The following ADAM12 variants were observed in gnomAD, a reference collection of about 807,000 sequenced individuals.
ADAM12 encodes ADAM metallopeptidase domain 12.
Under a neutral mutation model 106.4 loss-of-function variants are expected in ADAM12, and 70 were observed. The ratio of observed to expected loss-of-function variants is 0.66; its 90% CI spans 0.54 to 0.80. The LOEUF (loss-of-function observed/expected upper bound fraction) is 0.80. Ranked by LOEUF, ADAM12 falls within the 30% of genes least tolerant of loss-of-function variation. ADAM12 has a pLI of 0.00. For synonymous variants in ADAM12, 420 were observed against 433.5 expected, an observed-to-expected ratio of 0.97 and a Z score of 0.39; for missense variants, 1,010 against 1,171.9, an observed-to-expected ratio of 0.86 and a Z score of 2.02.
intron 3 of ADAM12, among the ~76,000 whole-genome samples, chr10:126,206,237 C>T (rs1029015130): frequency 6.6e-5 from 10 of 152,186 alleles, no homozygotes; most frequent in African/African-American, 1.9e-4. Context: ...AGAACTACCA[C>T]ATGGACATGA....
chr10:126,232,798 T>C (rs2366480), intron 3 of ADAM12, among the ~76,000 whole-genome samples: 146,124 of 152,260 alleles, frequency 0.96, 70,389 homozygotes, highest in East Asian at 1. Flanking sequence ...GTGAAAATGA[T>C]GAGGGTTAGA....
At chr10:126,170,105 C>T (rs1224372432) in intron 3 of ADAM12, among the ~76,000 whole-genome samples, 2 of 152,156 alleles carry the variant, frequency 1.3e-5, no homozygotes, top group Non-Finnish European at 2.9e-5. Flanking sequence ...TTGGCCGTGG[C>T]GGAAGCCAGC....
chr10:126,240,751 T>C (rs1421542576), intron 3 of ADAM12, among the ~76,000 whole-genome samples: 1 of 152,212 alleles, frequency 6.6e-6, no homozygotes, highest in Non-Finnish European at 1.5e-5. Context: ...AAGAGTGATC[T>C]GACTGAGGTC....
At chr10:126,050,384 G>A (rs1173820031) in intron 14 of ADAM12, among the ~76,000 whole-genome samples, 3 of 152,202 alleles carry the variant, frequency 2.0e-5, no homozygotes, top group Non-Finnish European at 4.4e-5. Context: ...TGCAGCCAAA[G>A]TTCTGGAGGA....
intron 5 of ADAM12, among the ~76,000 whole-genome samples, chr10:126,121,183 C>CAT (rs1956097908): frequency 1.1e-5 from 1 of 91,634 alleles, no homozygotes; most frequent in South Asian, 3.0e-4. Flanking sequence ...ACTATATACA[C>CAT]TATATACTAT....
At chr10:126,368,851 T>C (rs1037727444) in intron 1 of ADAM12, among the ~76,000 whole-genome samples, 1 of 152,122 alleles carries the variant, frequency 6.6e-6, no homozygotes, top group African/African-American at 2.4e-5. Context: ...ATGCTAGCTA[T>C]AGAATATCCA....
chr10:126,207,671 C>T (rs1957821754), intron 3 of ADAM12, among the ~76,000 whole-genome samples: 1 of 152,172 alleles, frequency 6.6e-6, no homozygotes, highest in African/African-American at 2.4e-5. Context: ...TTGTGGCTAA[C>T]ATTTTTGTAA....
Position 126,043,168 on chromosome 10 carries a change from G to A in ADAM12, c.1996-20C>T. ...GCACACCTTTCAGGGCAGAGGGGAG[G>A]GACGTGGGGTTAGGGCATATGCTCT... is the stretch of plus-strand genomic sequence containing the variant. On this transcript the variant is annotated intron_variant, in intron 17 of 22. Coordinates refer to ENST00000448723, the MANE Select transcript of ADAM12 (RefSeq NM_001288973.2). This position sits in a 1 kb window ranked among gnomAD's most constrained non-coding sequence, Gnocchi z 4.1. 1 of 1,611,388 alleles carries A rather than the reference G, an allele frequency of 6.2e-7. No individual in the cohort carries two copies. Among genetic ancestry groups the A allele is most frequent in the Non-Finnish European group, 8.5e-7 (1 of 1,178,022 alleles).
At chr10:126,112,422 G>T (rs578136760) in intron 6 of ADAM12, among the ~76,000 whole-genome samples, 1 of 151,494 alleles carries the variant, frequency 6.6e-6, no homozygotes, top group East Asian at 1.9e-4. Flanking sequence ...TTTTCATTTT[G>T]GGGGGTTATG....
In ADAM12 at chr10:126,012,634, T is replaced by C. The variant is rs1282956457; in HGVS notation, c.*4645A>G. On this transcript the variant is annotated 3_prime_UTR_variant, in exon 23 of 23. Transcript: ENST00000448723. ...AATCTGTACTGTGCTAAACAGCCTA[T>C]AGCCAAGTTTTAAAGAGTTACAGGA... 6.6e-6 allele frequency: 1 copy of C among 152,200 alleles called. No homozygotes were observed. The highest frequency in any genetic ancestry group is 1.5e-5 in the Non-Finnish European group (1 of 68,030). The allele number at this position is 152,200 out of a possible 1,614,324, so 9.4% of individuals were successfully genotyped here. A position where few individuals can be genotyped will look rare whatever the true frequency, so the allele number is the denominator to read the frequency against.
intron 6 of ADAM12, among the ~76,000 whole-genome samples, chr10:126,111,417 T>C (rs139099508): frequency 2.2e-4 from 33 of 152,200 alleles, no homozygotes; most frequent in African/African-American, 7.5e-4. Flanking sequence ...TTTTTCCTCA[T>C]TGAGGCGTGA....
intron 14 of ADAM12, among the ~76,000 whole-genome samples, chr10:126,055,004 A>G (rs972790075): frequency 2.0e-5 from 3 of 152,178 alleles, no homozygotes; most frequent in Admixed American, 6.5e-5. Flanking sequence ...GGCCTTACAC[A>G]TTAAGGGCAA....
At chr10:126,230,892 TAG>T (rs1958296571) in intron 3 of ADAM12, among the ~76,000 whole-genome samples, 1 of 152,228 alleles carries the variant, frequency 6.6e-6, no homozygotes, top group Non-Finnish European at 1.5e-5. Flanking sequence ...TCTTATCCCT[TAG>T]AGTTTTTTCC....
intron 11 of ADAM12, among the ~76,000 whole-genome samples, chr10:126,092,122 G>C (rs955744887): frequency 6.6e-6 from 1 of 152,116 alleles, no homozygotes; most frequent in Non-Finnish European, 1.5e-5. Context: ...CTCTTCCATT[G>C]GTTTATCAAT....
intron 3 of ADAM12, among the ~76,000 whole-genome samples, chr10:126,184,174 C>A (rs185602207): frequency 6.6e-6 from 1 of 152,310 alleles, no homozygotes; most frequent in African/African-American, 2.4e-5. Context: ...TCCCCCAGTA[C>A]CTTGGGTCTT....
At chr10:126,270,274 C>G (rs937152133) in intron 3 of ADAM12, among the ~76,000 whole-genome samples, 1 of 152,142 alleles carries the variant, frequency 6.6e-6, no homozygotes, top group Non-Finnish European at 1.5e-5. Context: ...TTTTACACTG[C>G]AGGCATTAGG....
intron 3 of ADAM12, among the ~76,000 whole-genome samples, chr10:126,252,041 T>TTGGA (rs1392909712): frequency 1.5e-5 from 2 of 136,874 alleles, no homozygotes; most frequent in African/African-American, 2.9e-5. Flanking sequence ...GATGGATAGA[T>TTGGA]TGGATGGATG....
At chr10:126,155,371 G>T in intron 3 of ADAM12, 66 bp from the exon 4 acceptor site, 1 of 1,425,430 alleles carries the variant, frequency 7.0e-7, no homozygotes, top group Non-Finnish European at 9.9e-7. Flanking sequence ...TGTTGTGAAT[G>T]TCTAGGCTAT....
chr10:126,367,019 A>T (rs886847445), intron 1 of ADAM12, among the ~76,000 whole-genome samples: 3 of 152,108 alleles, frequency 2.0e-5, no homozygotes, highest in African/African-American at 7.2e-5. Flanking sequence ...AGAAATAACA[A>T]ACAAAAAATA....
Sources: gnomAD v4.1 joint callset for allele counts (sites outside exome capture counted in the v4.1 genomes callset) on GRCh38, gnomAD v4.1.1 for gene constraint, Gnocchi (gnomAD v3.1) non-coding constraint, MANE v1.5 for transcripts, NCBI Gene and HGNC (gene_info 2026-07-23, HGNC 2026-07-21) for gene names.